Variants in MRTFB observed in about 807,000 individuals in gnomAD.
MRTFB encodes the protein myocardin-related transcription factor B.
MRTFB carries 29 observed loss-of-function variants against 104.2 expected under a neutral mutation model. That is an observed-to-expected ratio of 0.28 (90% CI 0.21 to 0.38). MRTFB has a LOEUF of 0.38. Ranked by LOEUF, MRTFB falls within the 10% of genes least tolerant of loss-of-function variation. The pLI, the probability that MRTFB is intolerant of heterozygous loss-of-function variation, is 1.00. For missense variants in MRTFB, 1,270 were observed against 1,341.6 expected (o/e 0.95, Z 0.83); for synonymous variants, 535 against 519.5 (o/e 1.03, Z -0.41).
chr16:14,252,926 C>T (rs1284549783), intron 15 of MRTFB, among the ~76,000 whole-genome samples: 1 of 152,148 alleles, frequency 6.6e-6, no homozygotes, highest in Non-Finnish European at 1.5e-5. Flanking sequence ...CCTAAATTGA[C>T]TTGGTCTCTC....
the MRTFB span, among the ~76,000 whole-genome samples, chr16:14,013,609 G>C: frequency 1.3e-5 from 2 of 152,186 alleles, no homozygotes; most frequent in African/African-American, 4.8e-5. Flanking sequence ...AACAGCGAAC[G>C]TTTGTTGAAC....
chr16:14,227,942 A>C (rs1196362688), intron 8 of MRTFB, among the ~76,000 whole-genome samples: 3 of 149,876 alleles, frequency 2.0e-5, no homozygotes, highest in Non-Finnish European at 4.4e-5. Flanking sequence ...TTTTTGTTGC[A>C]GTCTATCTTA....
At chr16:14,101,795 G>C (rs887153893) in intron 2 of MRTFB, among the ~76,000 whole-genome samples, 1 of 152,052 alleles carries the variant, frequency 6.6e-6, no homozygotes, top group African/African-American at 2.4e-5. Context: ...ACTATTCCTT[G>C]TTTAAGACAA....
the MRTFB span, among the ~76,000 whole-genome samples, chr16:14,063,170 A>T: frequency 6.6e-6 from 1 of 152,172 alleles, no homozygotes; most frequent in African/African-American, 2.4e-5. Flanking sequence ...GATTGAGCTT[A>T]GATTGACCAA....
chr16:14,170,622 C>T (rs577662778), intron 3 of MRTFB, among the ~76,000 whole-genome samples: 9 of 152,158 alleles, frequency 5.9e-5, no homozygotes, highest in Admixed American at 1.3e-4. Context: ...GGTGTGAATA[C>T]CATTGCATAT....
chr16:14,244,648 T>A (rs1266181680), intron 10 of MRTFB, among the ~76,000 whole-genome samples: 1 of 152,182 alleles, frequency 6.6e-6, no homozygotes, highest in Non-Finnish European at 1.5e-5. Flanking sequence ...TCCACATACC[T>A]AATGAGGTTG....
the MRTFB span, among the ~76,000 whole-genome samples, chr16:14,033,445 G>A: frequency 6.6e-6 from 1 of 152,018 alleles, no homozygotes; most frequent in Non-Finnish European, 1.5e-5. Flanking sequence ...TGCTTGGGAG[G>A]CTGAAGCGGG....
chr16:14,073,612 T>C (rs753191214), intron 1 of MRTFB, among the ~76,000 whole-genome samples: 3 of 152,182 alleles, frequency 2.0e-5, no homozygotes, highest in Non-Finnish European at 2.9e-5. Context: ...GTCTGAAAGA[T>C]TGGCTGTGTT....
At chr16:14,012,260 G>C in the MRTFB span, among the ~76,000 whole-genome samples, 64 of 146,242 alleles carry the variant, frequency 4.4e-4, no homozygotes, top group South Asian at 5.5e-3. Context: ...ACAGAGTCTC[G>C]GGCAGGCAAC....
intron 15 of MRTFB, among the ~76,000 whole-genome samples, chr16:14,254,687 T>C (rs2043403164): frequency 6.6e-6 from 1 of 152,232 alleles, no homozygotes; most frequent in Non-Finnish European, 1.5e-5. Context: ...CTAACCAAGT[T>C]AATAGCTTGC....
the MRTFB span, among the ~76,000 whole-genome samples, chr16:14,042,744 G>A: frequency 6.6e-6 from 1 of 152,158 alleles, no homozygotes; most frequent in South Asian, 2.1e-4. Context: ...TGCCTGTTAC[G>A]TTTCAAACAA....
chr16:14,090,034 A>T (rs959050354), intron 2 of MRTFB, among the ~76,000 whole-genome samples: 1 of 152,002 alleles, frequency 6.6e-6, no homozygotes, highest in Admixed American at 6.6e-5. Context: ...ACACACCCCC[A>T]AACACCCCCA....
At chr16:14,163,787 C>A (rs989016495) in intron 3 of MRTFB, among the ~76,000 whole-genome samples, 2 of 149,554 alleles carry the variant, frequency 1.3e-5, no homozygotes, top group African/African-American at 4.9e-5. Flanking sequence ...GAGCTGAGAT[C>A]ATGCCATTGC....
chr16:14,255,651 TTAAAA>T (rs1414579259), intron 15 of MRTFB, among the ~76,000 whole-genome samples: 1 of 152,156 alleles, frequency 6.6e-6, no homozygotes, highest in Non-Finnish European at 1.5e-5. Context: ...TAGACAATAC[TTAAAA>T]TAATTAATAA....
intron 8 of MRTFB, among the ~76,000 whole-genome samples, chr16:14,222,880 C>T (rs2041800536): frequency 6.7e-6 from 1 of 150,124 alleles, no homozygotes; most frequent in African/African-American, 2.5e-5. Context: ...GCCAAATTTT[C>T]AACAAAAGAT....
At chr16:14,212,544 C>A in intron 5 of MRTFB, 135 bp downstream of exon 5, 1 of 753,166 alleles carries the variant, frequency 1.3e-6, no homozygotes, top group Non-Finnish European at 2.2e-6. Context: ...GGATACATGG[C>A]ATAGAGAATA....
the MRTFB span, among the ~76,000 whole-genome samples, chr16:14,033,652 A>G: frequency 3.3e-5 from 5 of 152,008 alleles, no homozygotes; most frequent in African/African-American, 1.2e-4. Flanking sequence ...AGCCTGGCCT[A>G]CATGGTGAAA....
the MRTFB span, among the ~76,000 whole-genome samples, chr16:14,061,449 A>T: frequency 6.6e-6 from 1 of 152,278 alleles, no homozygotes; most frequent in South Asian, 2.1e-4. Flanking sequence ...GGTTCTATGA[A>T]GCTGGCATCA....
At chr16:14,167,325 AT>A (rs2039278249) in intron 3 of MRTFB, among the ~76,000 whole-genome samples, 1 of 150,360 alleles carries the variant, frequency 6.7e-6, no homozygotes, top group Non-Finnish European at 1.5e-5. Flanking sequence ...ATGTCTGTTC[AT>A]TTCCTGTCCT....
Sources: allele counts gnomAD v4.1 joint callset (sites outside exome capture counted in the v4.1 genomes callset), GRCh38; gene constraint gnomAD v4.1.1; transcripts MANE v1.5; gene names NCBI Gene and HGNC (gene_info 2026-07-23, HGNC 2026-07-21).